The following TAFA2 variants were observed in gnomAD, a reference collection of about 807,000 sequenced individuals.
TAFA2 encodes TAFA chemokine like family member 2, also known as chemokine-like protein TAFA-2.
Under a neutral mutation model 18.8 loss-of-function variants are expected in TAFA2, and 7 were observed. That is an observed-to-expected ratio of 0.37 (90% CI 0.21 to 0.70). The LOEUF is 0.70. Ranked by LOEUF, TAFA2 falls within the 30% of genes least tolerant of loss-of-function variation. The pLI is 0.53. For missense variants in TAFA2, 122 were observed against 158.1 expected (o/e 0.77, Z 1.23); for synonymous variants, 60 against 54.2 (o/e 1.11, Z -0.47).
intron 1 of TAFA2, among the ~76,000 whole-genome samples, chr12:61,907,662 T>A (rs1876418473): frequency 2.0e-5 from 3 of 152,102 alleles, no homozygotes; most frequent in African/African-American, 4.8e-5. Context: ...GGCCACCATC[T>A]TCCAGACCGC....
Position 61,737,561 on chromosome 12 carries a change from A to G in TAFA2, c.384+16061T>C, listed in dbSNP as rs894621741. On this transcript the variant is annotated intron_variant, in intron 4 of 4. Transcript: ENST00000416284. ...TGGGATTATGCTCACTTAAATATTT[A>G]TTAATTGTGTGGCCCTGTTATTTCA... 5.9e-5 allele frequency among the ~76,000 whole-genome samples: 9 copies of G among 151,794 alleles called. No homozygotes were observed. In the South Asian group the frequency reaches 1.9e-3, roughly 32 times the overall value.
chr12:62,114,738 C>T (rs1869885935), intron 1 of TAFA2, among the ~76,000 whole-genome samples: 1 of 152,132 alleles, frequency 6.6e-6, no homozygotes, highest in Non-Finnish European at 1.5e-5. Flanking sequence ...ACTATAGGGC[C>T]AGCCTTTGAA....
intron 1 of TAFA2, among the ~76,000 whole-genome samples, chr12:62,245,530 T>C (rs2062880865): frequency 6.6e-6 from 1 of 150,848 alleles, no homozygotes; most frequent in East Asian, 1.9e-4. Context: ...TTTATATTAT[T>C]AATATTGTTT....
At chr12:61,873,682 T>G (rs1301744540) in intron 1 of TAFA2, among the ~76,000 whole-genome samples, 1 of 152,182 alleles carries the variant, frequency 6.6e-6, no homozygotes, top group East Asian at 1.9e-4. Flanking sequence ...TACTAATAGA[T>G]TAATACAAAT....
At chr12:62,190,407 G>C (rs1296906137) in intron 1 of TAFA2, among the ~76,000 whole-genome samples, 3 of 152,180 alleles carry the variant, frequency 2.0e-5, no homozygotes, top group African/African-American at 7.2e-5. Context: ...TACTTGGTAG[G>C]CACCTGGCCT....
At chr12:62,065,582 A>G (rs1882463478) in intron 1 of TAFA2, among the ~76,000 whole-genome samples, 1 of 152,074 alleles carries the variant, frequency 6.6e-6, no homozygotes. Context: ...CATATATTAT[A>G]AGCTTCTTTA....
chr12:61,839,699 G>C (rs918866748), intron 2 of TAFA2, among the ~76,000 whole-genome samples: 1 of 151,858 alleles, frequency 6.6e-6, no homozygotes, highest in African/African-American at 2.4e-5. Context: ...CTAAACATTT[G>C]GTACACACAG....
At chr12:61,886,799 T>A (rs1247596189) in intron 1 of TAFA2, among the ~76,000 whole-genome samples, 2 of 152,228 alleles carry the variant, frequency 1.3e-5, no homozygotes, top group African/African-American at 4.8e-5. Flanking sequence ...TGGGGGGCTA[T>A]TGGCATAATT....
chr12:62,141,103 TAAGTA>T (rs1040831061), intron 1 of TAFA2, among the ~76,000 whole-genome samples: 18 of 152,308 alleles, frequency 1.2e-4, no homozygotes, highest in Admixed American at 7.8e-4. Context: ...TCAGAGAAGT[TAAGTA>T]AATTGTCCAA....
chr12:61,802,773 G>A (rs1871450679), intron 2 of TAFA2, among the ~76,000 whole-genome samples: 2 of 151,980 alleles, frequency 1.3e-5, no homozygotes, highest in East Asian at 3.8e-4. Context: ...CAGGATAAAT[G>A]TTTGAGGCAA....
At chr12:62,070,825 G>A (rs996031997) in intron 1 of TAFA2, among the ~76,000 whole-genome samples, 1 of 152,076 alleles carries the variant, frequency 6.6e-6, no homozygotes, top group African/African-American at 2.4e-5. Flanking sequence ...GCAGGGGACA[G>A]TGTCTGGTTT....
At chr12:61,716,117 G>T (rs1869646559) in intron 4 of TAFA2, among the ~76,000 whole-genome samples, 1 of 152,082 alleles carries the variant, frequency 6.6e-6, no homozygotes, top group South Asian at 2.1e-4. Context: ...AACAGTATGA[G>T]GAACCTAATG....
chr12:62,015,497 T>C (rs1880906907), intron 1 of TAFA2, among the ~76,000 whole-genome samples: 2 of 152,186 alleles, frequency 1.3e-5, no homozygotes, highest in South Asian at 4.1e-4. Flanking sequence ...TTAAGTGGAT[T>C]TTTTAATGAT....
chr12:61,734,782 A>G (rs928166084), intron 4 of TAFA2, among the ~76,000 whole-genome samples: 1 of 152,018 alleles, frequency 6.6e-6, no homozygotes, highest in Non-Finnish European at 1.5e-5. Context: ...AAATATATAC[A>G]TATAGAATTT....
chr12:61,870,068 A>T (rs1270878298), intron 1 of TAFA2, among the ~76,000 whole-genome samples: 1 of 152,190 alleles, frequency 6.6e-6, no homozygotes, highest in Non-Finnish European at 1.5e-5. Context: ...AACTAGACAT[A>T]TGGAAACAGA....
At chr12:62,101,412 A>T (rs1248427893) in intron 1 of TAFA2, among the ~76,000 whole-genome samples, 1 of 152,226 alleles carries the variant, frequency 6.6e-6, no homozygotes, top group African/African-American at 2.4e-5. Flanking sequence ...ATATACACTG[A>T]ATACACTTTG....
chr12:61,878,813 T>C (rs755867729), intron 1 of TAFA2, among the ~76,000 whole-genome samples: 1 of 152,214 alleles, frequency 6.6e-6, no homozygotes, highest in Non-Finnish European at 1.5e-5. Flanking sequence ...TACAGTATAG[T>C]TCTATTTCCC....
chr12:62,215,473 A>G (rs1317587670), intron 1 of TAFA2, among the ~76,000 whole-genome samples: 1 of 151,846 alleles, frequency 6.6e-6, no homozygotes, highest in Non-Finnish European at 1.5e-5. Flanking sequence ...TCTGCTTTTT[A>G]GACACAAAAA....
At chr12:62,076,083 A>G (rs1009263489) in intron 1 of TAFA2, among the ~76,000 whole-genome samples, 2 of 152,154 alleles carry the variant, frequency 1.3e-5, no homozygotes, top group African/African-American at 4.8e-5. Context: ...CAATATCTTT[A>G]ACCTTTGACT....
Sources: gnomAD v4.1 joint callset for allele counts (sites outside exome capture counted in the v4.1 genomes callset) on GRCh38, gnomAD v4.1.1 for gene constraint, MANE v1.5 for transcripts, NCBI Gene and HGNC (gene_info 2026-07-23, HGNC 2026-07-21) for gene names.